USP7: variants seen among roughly 807,000 people sequenced by gnomAD.
The protein encoded by USP7 is ubiquitin specific peptidase 7, also known as ubiquitin C-terminal hydrolase 7.
Under a neutral mutation model 162.9 loss-of-function variants are expected in USP7, and 9 were observed. That is an observed-to-expected ratio of 0.06 (90% CI 0.03 to 0.10). The LOEUF is 0.10. Among genes scored for constraint, USP7 ranks in the 10% least tolerant of loss-of-function variants. The pLI is 1.00. For synonymous variants in USP7, 562 were observed against 475.9 expected, an observed-to-expected ratio of 1.18 and a Z score of -2.35; for missense variants, 715 against 1,373.7, an observed-to-expected ratio of 0.52 and a Z score of 7.58.
At chr16:8,927,420 A>G (rs991032937) in intron 2 of USP7, among the ~76,000 whole-genome samples, 3 of 152,200 alleles carry the variant, frequency 2.0e-5, no homozygotes, top group Non-Finnish European at 2.9e-5. Context: ...TGTTGCAGTG[A>G]TTTTAGCAAA....
rs761005610 is a variant in USP7, at chr16:8,904,407, C to A, written c.1704+28G>T. On this transcript the variant is annotated intron_variant, in intron 15 of 30. Transcript: ENST00000344836. ...GATGGGTGCCCGGCTGCATGGTGAC[C>A]CGGAGTCCCAGAAGGGCGGGGGCTG... 20 of 1,610,638 alleles carry A rather than the reference C, an allele frequency of 1.2e-5. No individual in the cohort carries two copies. The East Asian group carries it at 4.5e-4, about 36-fold the overall frequency.
chr16:8,923,125 CA>C, intron 3 of USP7, 89 bp downstream of exon 3: 2 of 758,402 alleles, frequency 2.6e-6, no homozygotes, highest in African/African-American at 2.0e-5. Context: ...AATTTAAAAT[CA>C]AAAGGCTATG....
rs184573734 is a variant in USP7, at chr16:8,917,442, G to C, written c.721-286C>G. ...TGGCCAGGCTGAAGTGCAGTGGCGC[G>C]ACCTCAGCTCACTACAACCTCCGCC... On this transcript the variant is annotated intron_variant, in intron 6 of 30. Coordinates refer to ENST00000344836, the MANE Select transcript of USP7 (RefSeq NM_003470.3). Among the ~76,000 whole-genome samples the C allele has an allele frequency of 1.0e-3, 155 of 152,288 alleles. 4 individuals carry two copies. The highest frequency in any genetic ancestry group is 0.01 in the Admixed American group (153 of 15,298).
intron 1 of USP7, among the ~76,000 whole-genome samples, chr16:8,932,205 G>A (rs1596394165): frequency 6.6e-6 from 1 of 152,142 alleles, no homozygotes; most frequent in East Asian, 1.9e-4. Flanking sequence ...CCACTCAGAC[G>A]TTTAAGACAT....
Position 8,906,343 on chromosome 16 carries a change from G to A in USP7, c.1428+83C>T, listed in dbSNP as rs113213518. On this transcript the variant is annotated intron_variant, in intron 13 of 30. Coordinates refer to ENST00000344836, the MANE Select transcript of USP7 (RefSeq NM_003470.3). ...AGTTAGGGGTCCCTGACAAGGTTCC[G>A]AGTAGGAACCAGAACAGGCTGAAGC... 580 of 1,484,826 alleles carry A rather than the reference G, an allele frequency of 3.9e-4. 1 individual carries two copies. In the African/African-American group the frequency reaches 5.9e-3, roughly 15 times the overall value. 92.0% of individuals were successfully genotyped at this position (1,484,826 alleles called of 1,614,324 possible).
intron 7 of USP7, 57 bp downstream of exon 7, chr16:8,916,969 T>TAAAAAAA (rs34357840): frequency 2.3e-6 from 3 of 1,295,448 alleles, no homozygotes; most frequent in African/African-American, 1.6e-5. Context: ...TCACTTGTCC[T>TAAAAAAA]AAAAAAAAAA....
intron 2 of USP7, among the ~76,000 whole-genome samples, chr16:8,925,296 C>T (rs571812792): frequency 6.6e-6 from 1 of 152,320 alleles, no homozygotes; most frequent in East Asian, 1.9e-4. Context: ...ACACAAAACA[C>T]AGGCCTCAAC....
At chr16:8,935,397 G>A (rs1898645546) in intron 1 of USP7, among the ~76,000 whole-genome samples, 1 of 152,084 alleles carries the variant, frequency 6.6e-6, no homozygotes, top group Non-Finnish European at 1.5e-5. Flanking sequence ...TTTTTGTAGA[G>A]ATGGGGTTTC....
At chr16:8,902,825 T>C (rs560366459) in intron 16 of USP7, among the ~76,000 whole-genome samples, 1 of 151,722 alleles carries the variant, frequency 6.6e-6, no homozygotes, top group Non-Finnish European at 1.5e-5. Context: ...AAGGCGGAGG[T>C]TGCAGTGAGC....
At position 8,902,174 on chromosome 16, in the gene USP7, C is replaced by G. The variant is rs775237317; in HGVS notation, c.1955G>C (p.Ser652Thr). 3 of 1,614,160 alleles carry G rather than the reference C, an allele frequency of 1.9e-6. No individual in the cohort carries two copies. The highest frequency in any genetic ancestry group is 2.5e-6 in the Non-Finnish European group (3 of 1,180,034). Residue 652 changes from serine to threonine, a missense_variant, in exon 18 of 31, where the codon AGT (serine) becomes ACT (threonine). Ser to Thr is a moderately conservative substitution (Grantham distance 58). This residue lies in a region of USP7 where 197 missense variants were observed against 306.5 expected (regional missense o/e 0.64). Transcript: ENST00000344836. ...TATTGTCCAAGGGTTTTCATTATCA[C>G]TGAGCTCAATCATCTATTTCCAAAA... is the stretch of plus-strand genomic sequence containing the variant. The part of the protein sequence containing the change: ...ADGNKTMIEL[S>T]DNENPWTIFL...
intron 2 of USP7, among the ~76,000 whole-genome samples, chr16:8,924,682 A>G (rs1232399829): frequency 2.0e-5 from 3 of 152,218 alleles, no homozygotes; most frequent in Non-Finnish European, 4.4e-5. Context: ...TCTCAGCATC[A>G]GCCACTTCTC....
In USP7 at chr16:8,895,647, T is replaced by C. The variant is rs1008163913; in HGVS notation, c.2914A>G (p.Ile972Val). 13 of 1,612,092 alleles carry C rather than the reference T, an allele frequency of 8.1e-6. No homozygotes were observed. The highest frequency in any genetic ancestry group is 2.7e-5 in the African/African-American group (2 of 74,846). ...ACAGTATCGGGGACAGATACCTCTATTCGAAACGTCCGGCTCGTTGCAGGA... is the reference window on the plus strand; with the variant it reads ...ACAGTATCGGGGACAGATACCTCTACTCGAAACGTCCGGCTCGTTGCAGGA... ...LSPATSRTFR[I>V]EEIPLDQVDI... is the part of the protein sequence containing the mutation. Residue 972 changes from isoleucine (I) to valine (V), a missense_variant, in exon 27 of 31, where the codon ATA becomes GTA. Coordinates refer to ENST00000344836, the MANE Select transcript of USP7 (RefSeq NM_003470.3).
intron 1 of USP7, among the ~76,000 whole-genome samples, chr16:8,940,424 G>C (rs1434958601): frequency 1.3e-5 from 2 of 152,324 alleles, no homozygotes; most frequent in South Asian, 2.1e-4. Context: ...CACAACGAGA[G>C]GCAGAAGGTG....
chr16:8,897,205 G>A, intron 25 of USP7, 106 bp from the exon 26 acceptor site: 1 of 856,190 alleles, frequency 1.2e-6, no homozygotes, highest in Non-Finnish European at 1.9e-6. Context: ...ACTGTCCCCA[G>A]CTGGCCCCCA....
chr16:8,935,013 G>C lies in USP7; in HGVS notation c.80-4616C>G, dbSNP rs554211107. ...CCACACACACAAGAAATCTGTACTA[G>C]ACTTCTAGAAATAGCCTAAACGATA... is the stretch of plus-strand genomic sequence containing the variant. On this transcript the variant is annotated intron_variant, in intron 1 of 30. Coordinates refer to ENST00000344836, the MANE Select transcript of USP7 (RefSeq NM_003470.3). 7.2e-5 allele frequency among the ~76,000 whole-genome samples: 11 copies of C among 152,330 alleles called. No individual in the cohort carries two copies. In the South Asian group the frequency reaches 1.9e-3, roughly 26 times the overall value.
At chr16:8,909,642 T>C (rs1438661858) in intron 11 of USP7, among the ~76,000 whole-genome samples, 2 of 152,200 alleles carry the variant, frequency 1.3e-5, no homozygotes, top group African/African-American at 2.4e-5. Context: ...AAAAAGCAAC[T>C]TTCTGGATGA....
chr16:8,949,834 CCTAAG>C (rs1252779461), intron 1 of USP7, among the ~76,000 whole-genome samples: 13 of 152,220 alleles, frequency 8.5e-5, no homozygotes, highest in African/African-American at 3.1e-4. Flanking sequence ...GCAAGTATGC[CCTAAG>C]CTGAGCTTGG....
chr16:8,904,701 G>C, intron 14 of USP7, 136 bp from the exon 15 acceptor site: 3 of 1,313,884 alleles, frequency 2.3e-6, no homozygotes, highest in Non-Finnish European at 3.0e-6. Flanking sequence ...CCAGCACTTT[G>C]GGAGGCTGAG....
chr16:8,920,634 G>A (rs1273258721), intron 4 of USP7, among the ~76,000 whole-genome samples, 187 bp from the exon 5 acceptor site: 1 of 152,140 alleles, frequency 6.6e-6, no homozygotes, highest in Non-Finnish European at 1.5e-5. Context: ...AACAAATACA[G>A]CAAATGCTTG....
Sources: allele counts gnomAD v4.1 joint callset (sites outside exome capture counted in the v4.1 genomes callset), GRCh38; gene constraint gnomAD v4.1.1; regional missense constraint gnomAD v4.1.1; transcripts MANE v1.5; gene names NCBI Gene and HGNC (gene_info 2026-07-23, HGNC 2026-07-21).